Variants in SRGAP2B observed in about 807,000 individuals in gnomAD.
SRGAP2B encodes the protein SLIT-ROBO Rho GTPase activating protein 2B.
SRGAP2B carries 9 observed loss-of-function variants against 22.2 expected under a neutral mutation model. The ratio of observed to expected loss-of-function variants is 0.41; its 90% CI spans 0.24 to 0.71. The LOEUF is 0.71. SRGAP2B is among the 30% of genes least tolerant of loss of function. The pLI, the probability that SRGAP2B is intolerant of heterozygous loss-of-function variation, is 0.35. For synonymous variants in SRGAP2B, 36 were observed against 87.4 expected, an observed-to-expected ratio of 0.41 and a Z score of 3.28; for missense variants, 114 against 235.8, an observed-to-expected ratio of 0.48 and a Z score of 3.38.
chr1:144,955,546 C>T (rs1383947794), exon 4 of SRGAP2B: 1 of 950,806 alleles, frequency 1.1e-6, no homozygotes, highest in African/African-American at 1.8e-5. Flanking sequence ...TCCCGCTTCA[C>T]CTGGTTTAAG....
At chr1:144,986,371 T>C (rs1553615955) in intron 3 of SRGAP2B, among the ~76,000 whole-genome samples, 1 of 140,754 alleles carries the variant, frequency 7.1e-6, no homozygotes, top group Non-Finnish European at 1.5e-5. Context: ...GGGGAGGTGA[T>C]GAGTGCCCAC....
intron 4 of SRGAP2B, among the ~76,000 whole-genome samples, chr1:144,922,962 T>C (rs1425726117): frequency 6.6e-6 from 1 of 151,444 alleles, no homozygotes; most frequent in African/African-American, 2.4e-5. Flanking sequence ...TGATGTGAAC[T>C]TCGTGGACTC....
intron 2 of SRGAP2B, among the ~76,000 whole-genome samples, chr1:145,082,081 CAAAA>C (rs1214095985): frequency 1.0e-4 from 15 of 143,682 alleles, no homozygotes; most frequent in African/African-American, 3.6e-4. Flanking sequence ...AACAAACAAA[CAAAA>C]AAAACAAAGA....
At chr1:144,917,860 T>C (rs1371821303) in intron 4 of SRGAP2B, 3 of 76,596 alleles carry the variant, frequency 3.9e-5, no homozygotes, top group Non-Finnish European at 7.1e-5. Flanking sequence ...CGTTCTCTGT[T>C]TCAGAAACCT....
intron 7 of SRGAP2B, among the ~76,000 whole-genome samples, chr1:144,902,743 C>A (rs1186124432): frequency 2.2e-5 from 3 of 134,356 alleles, no homozygotes; most frequent in Admixed American, 1.6e-4. Context: ...GCCTGGGCGA[C>A]AGAGAGAGAC....
At chr1:144,954,633 C>T (rs1445868140) in intron 4 of SRGAP2B, among the ~76,000 whole-genome samples, 1 of 150,628 alleles carries the variant, frequency 6.6e-6, no homozygotes. Context: ...ATAAATGATT[C>T]CACTTTGAGC....
chr1:145,009,542 C>T lies in SRGAP2B; in HGVS notation c.68-14342G>A, dbSNP rs1299885521. Among the ~76,000 whole-genome samples the T allele has an allele frequency of 1.9e-4, 28 of 144,366 alleles. No homozygotes were observed. The Middle Eastern group carries it at 0.021, about 110-fold the overall frequency. The allele number at this position is 144,366 out of a possible 152,430, so 94.7% of individuals were successfully genotyped here. Reference sequence around the variant, plus strand: ...GGCGGAGCTTGCAGTGAGCCGAGATCCCGCCACTGCACTCCAGCCTGGGCG... The same window carrying T: ...GGCGGAGCTTGCAGTGAGCCGAGATTCCGCCACTGCACTCCAGCCTGGGCG... On this transcript the variant is annotated intron_variant, in intron 2 of 9. Transcript: ENST00000612199.
At position 145,007,594 on chromosome 1, in the gene SRGAP2B, C is replaced by T. The variant is rs1553621330; in HGVS notation, c.68-12394G>A. On this transcript the variant is annotated intron_variant, in intron 2 of 9. Transcript: ENST00000612199. Reference sequence around the variant, plus strand: ...AAATTCTGACCCTGGAACTGGACTGCCTGGGCTCAAAATGCCAGCTCCACC... The same window carrying T: ...AAATTCTGACCCTGGAACTGGACTGTCTGGGCTCAAAATGCCAGCTCCACC... Among the ~76,000 whole-genome samples the T allele has an allele frequency of 1.3e-5, 2 of 150,654 alleles. 1 individual carries two copies. The highest frequency in any genetic ancestry group is 5.0e-5 in the African/African-American group (2 of 40,172).
chr1:144,924,915 T>C (rs1367283166), intron 4 of SRGAP2B, among the ~76,000 whole-genome samples: 1 of 149,388 alleles, frequency 6.7e-6, no homozygotes, highest in Non-Finnish European at 1.5e-5. Context: ...GTTCCCATTT[T>C]AATTCTGTCC....
intron 3 of SRGAP2B, among the ~76,000 whole-genome samples, chr1:144,965,755 G>T (rs1320952240): frequency 2.1e-5 from 3 of 141,354 alleles, no homozygotes; most frequent in African/African-American, 8.7e-5. Context: ...AAATTTAGAA[G>T]AATGTATAAC....
At chr1:145,012,399 T>C (rs1553622388) in intron 2 of SRGAP2B, among the ~76,000 whole-genome samples, 1 of 150,086 alleles carries the variant, frequency 6.7e-6, no homozygotes, top group South Asian at 2.1e-4. Context: ...GAGTATTTAC[T>C]TTTTTAAAAA....
Position 144,913,944 on chromosome 1 carries a change from A to T in SRGAP2B, c.486+748T>A, listed in dbSNP as rs587609800. Among the ~76,000 whole-genome samples the T allele has an allele frequency of 1.8e-4, 27 of 150,308 alleles. No homozygotes were observed. In the South Asian group the frequency reaches 5.6e-3, roughly 31 times the overall value. ...TAAGTATTCCCTGTATAGCAACAGG[A>T]ATTTCCTTGGTGTGTATGTGTGTGA... On this transcript the variant is annotated intron_variant, in intron 5 of 9. Coordinates refer to ENST00000612199, the Ensembl canonical transcript of SRGAP2B.
intron 2 of SRGAP2B, among the ~76,000 whole-genome samples, chr1:145,009,395 C>T (rs1436009788): frequency 6.8e-6 from 1 of 147,848 alleles, no homozygotes; most frequent in Non-Finnish European, 1.5e-5. Context: ...GAGACCATCC[C>T]GGCTAAAACG....
At chr1:145,045,197 G>A (rs587617297) in intron 2 of SRGAP2B, among the ~76,000 whole-genome samples, 1 of 125,968 alleles carries the variant, frequency 7.9e-6, no homozygotes, top group African/African-American at 3.2e-5. Context: ...GCTGGAGAAT[G>A]GAGAATGGAG....
chr1:145,068,071 C>T (rs1478807630), intron 2 of SRGAP2B, among the ~76,000 whole-genome samples: 2 of 46,428 alleles, frequency 4.3e-5, no homozygotes, highest in Non-Finnish European at 3.9e-5. Flanking sequence ...AGCGTGGTGG[C>T]GGGCGCCTGT....
intron 2 of SRGAP2B, among the ~76,000 whole-genome samples, chr1:145,006,259 A>T (rs1671582837): frequency 6.6e-6 from 1 of 150,898 alleles, no homozygotes; most frequent in Admixed American, 6.6e-5. Context: ...GACGAATGAA[A>T]TATTTTCCCT....
chr1:144,925,779 GAAAGAA>G (rs1664677462), intron 4 of SRGAP2B, among the ~76,000 whole-genome samples: 2 of 137,416 alleles, frequency 1.5e-5, no homozygotes, highest in Non-Finnish European at 3.2e-5. Flanking sequence ...AAGAAAGAAA[GAAAGAA>G]AGAAAGAAAG....
chr1:144,922,567 T>A (rs1271637544), intron 4 of SRGAP2B, among the ~76,000 whole-genome samples: 1 of 150,548 alleles, frequency 6.6e-6, no homozygotes, highest in Non-Finnish European at 1.5e-5. Context: ...AGAAAGATGA[T>A]AAAAAGTGCT....
intron 2 of SRGAP2B, among the ~76,000 whole-genome samples, chr1:145,036,340 G>T (rs1648717764): frequency 6.8e-6 from 1 of 145,994 alleles, no homozygotes; most frequent in South Asian, 2.2e-4. Flanking sequence ...AACCCTAAAG[G>T]CAGCCCTCGA....
Sources: allele counts gnomAD v4.1 joint callset (sites outside exome capture counted in the v4.1 genomes callset), GRCh38; gene constraint gnomAD v4.1.1; transcripts MANE v1.5; gene names NCBI Gene and HGNC (gene_info 2026-07-23, HGNC 2026-07-21).